GPC6: variants seen among roughly 807,000 people sequenced by gnomAD.
GPC6 encodes glypican 6, also known as glypican-6.
In GPC6, 14 loss-of-function variants were observed where a neutral mutation model predicts 55.2. The ratio of observed to expected loss-of-function variants is 0.25; its 90% confidence interval spans 0.17 to 0.40. The LOEUF is 0.40. Ranked by LOEUF, GPC6 falls within the 10% of genes least tolerant of loss-of-function variation. GPC6 has a pLI of 1.00. For missense variants in GPC6, 641 were observed against 708.5 expected (o/e 0.90, Z 1.08); for synonymous variants, 278 against 259.6 (o/e 1.07, Z -0.68).
Position 93,555,890 on chromosome 13 carries a change from A to C in GPC6, c.319+10469A>C, listed in dbSNP as rs1370945894. ...GAGTGTTCTCTGCTCCACCACACTT[A>C]ACACTGGCTTACGTGGAATTGAGAG... is the stretch of plus-strand genomic sequence containing the variant. On this transcript the variant is annotated intron_variant, in intron 2 of 8. Coordinates refer to ENST00000377047, the MANE Select transcript of GPC6 (RefSeq NM_005708.5). Among the ~76,000 whole-genome samples the C allele has an allele frequency of 2.0e-5, 3 of 152,136 alleles. No individual in the cohort carries two copies. The East Asian group carries it at 5.8e-4, about 29-fold the overall frequency.
intron 3 of GPC6, among the ~76,000 whole-genome samples, chr13:93,956,189 C>G (rs993332191): frequency 6.6e-6 from 1 of 152,028 alleles, no homozygotes; most frequent in South Asian, 2.1e-4. Context: ...CTCTCACTCT[C>G]TCCACTGTGG....
intron 4 of GPC6, among the ~76,000 whole-genome samples, chr13:94,084,931 G>A (rs1885226459): frequency 6.6e-6 from 1 of 152,090 alleles, no homozygotes; most frequent in African/African-American, 2.4e-5. Context: ...GTTTGGCCCA[G>A]GTGAAGTGAG....
intron 1 of GPC6, among the ~76,000 whole-genome samples, chr13:93,467,565 A>T: frequency 6.8e-6 from 1 of 146,792 alleles, no homozygotes; most frequent in Admixed American, 6.9e-5. Flanking sequence ...CCTGCTGGCA[A>T]GCTGTGATTC....
At chr13:93,290,045 C>T (rs532219518) in intron 1 of GPC6, among the ~76,000 whole-genome samples, 5 of 152,252 alleles carry the variant, frequency 3.3e-5, no homozygotes, top group African/African-American at 4.8e-5. Context: ...AAGGATTACT[C>T]ATTTTTGTTT....
intron 4 of GPC6, among the ~76,000 whole-genome samples, chr13:94,073,522 T>C (rs1462504335): frequency 6.6e-6 from 1 of 152,138 alleles, no homozygotes; most frequent in East Asian, 1.9e-4. Flanking sequence ...TAAGCATAAA[T>C]AATTTGCCAT....
chr13:94,182,214 T>A (rs556326148), intron 4 of GPC6, among the ~76,000 whole-genome samples: 2 of 151,794 alleles, frequency 1.3e-5, no homozygotes, highest in Admixed American at 6.6e-5. Context: ...TTTTTTTTTT[T>A]AAAGATAAAT....
intron 3 of GPC6, among the ~76,000 whole-genome samples, chr13:93,891,861 T>C (rs1875703800): frequency 6.6e-6 from 1 of 151,802 alleles, no homozygotes; most frequent in African/African-American, 2.4e-5. Context: ...GTAGTGTGTA[T>C]GTGTATATAT....
chr13:94,038,542 C>G (rs1428732490), intron 4 of GPC6, among the ~76,000 whole-genome samples: 1 of 151,886 alleles, frequency 6.6e-6, no homozygotes, highest in Non-Finnish European at 1.5e-5. Flanking sequence ...AGTTTGAATC[C>G]TGACTCCACC....
intron 6 of GPC6, among the ~76,000 whole-genome samples, chr13:94,337,276 A>G (rs1877757523): frequency 6.6e-6 from 1 of 152,174 alleles, no homozygotes; most frequent in African/African-American, 2.4e-5. Context: ...TCTCATCTGT[A>G]GGATGCAGTA....
chr13:94,107,866 A>G (rs995592197), intron 4 of GPC6, among the ~76,000 whole-genome samples: 5 of 152,160 alleles, frequency 3.3e-5, no homozygotes, highest in African/African-American at 1.2e-4. Context: ...AAGAATGGCC[A>G]TAATAAAAAA....
chr13:94,129,806 CTG>C (rs1886946464), intron 4 of GPC6, among the ~76,000 whole-genome samples: 3 of 152,026 alleles, frequency 2.0e-5, no homozygotes, highest in African/African-American at 7.2e-5. Context: ...CACTATGAAA[CTG>C]AAAGATTCCT....
At chr13:94,140,407 A>G (rs1887331875) in intron 4 of GPC6, among the ~76,000 whole-genome samples, 1 of 152,228 alleles carries the variant, frequency 6.6e-6, no homozygotes, top group African/African-American at 2.4e-5. Flanking sequence ...TGTTTAAAAT[A>G]TGTTTAGAAT....
At chr13:94,038,753 A>G (rs1157762935) in intron 4 of GPC6, among the ~76,000 whole-genome samples, 2 of 151,954 alleles carry the variant, frequency 1.3e-5, no homozygotes, top group Non-Finnish European at 2.9e-5. Flanking sequence ...CAGGTGAATA[A>G]CCTGTGAAGG....
intron 2 of GPC6, among the ~76,000 whole-genome samples, chr13:93,767,059 G>A (rs1172479349): frequency 6.6e-6 from 1 of 151,792 alleles, no homozygotes; most frequent in Non-Finnish European, 1.5e-5. Flanking sequence ...AACTAGTGTT[G>A]ATATTGTTTC....
At chr13:94,324,716 T>A (rs1008763791) in intron 6 of GPC6, among the ~76,000 whole-genome samples, 8 of 151,666 alleles carry the variant, frequency 5.3e-5, no homozygotes, top group Non-Finnish European at 8.8e-5. Flanking sequence ...TTTTTTTTTT[T>A]AATTTCTGTT....
At chr13:94,154,048 G>C (rs553628952) in intron 4 of GPC6, 1 of 152,190 alleles carries the variant, frequency 6.6e-6, no homozygotes, top group African/African-American at 2.4e-5. Context: ...TCCTACAGTT[G>C]AATATAAATA....
intron 4 of GPC6, among the ~76,000 whole-genome samples, chr13:94,100,759 A>G (rs1357765885): frequency 6.6e-6 from 1 of 152,168 alleles, no homozygotes; most frequent in Non-Finnish European, 1.5e-5. Context: ...TAATTCTTTT[A>G]CTTATTGACT....
intron 3 of GPC6, among the ~76,000 whole-genome samples, chr13:94,017,962 G>A (rs12428840): frequency 0.14 from 21,749 of 152,066 alleles, 1,778 homozygotes; most frequent in Middle Eastern, 0.26. Context: ...TCAATACAGT[G>A]TTAAACAGCA....
intron 1 of GPC6, among the ~76,000 whole-genome samples, chr13:93,239,460 A>G (rs1002710251): frequency 2.0e-5 from 3 of 151,618 alleles, no homozygotes; most frequent in African/African-American, 7.3e-5. Flanking sequence ...CATTTTTTGT[A>G]TTTCTGTGGT....
Sources: allele counts gnomAD v4.1 joint callset (sites outside exome capture counted in the v4.1 genomes callset), GRCh38; gene constraint gnomAD v4.1.1; transcripts MANE v1.5; gene names NCBI Gene and HGNC (gene_info 2026-07-23, HGNC 2026-07-21).